LHFPL3: variants seen among roughly 807,000 people sequenced by gnomAD.
LHFPL3 encodes the protein LHFPL tetraspan subfamily member 3, also known as LHFPL tetraspan subfamily member 3 protein.
Under a neutral mutation model 19.3 loss-of-function variants are expected in LHFPL3, and 5 were observed. The observed-to-expected ratio is 0.26, with a 90% CI of 0.14 to 0.54. The LOEUF (loss-of-function observed/expected upper bound fraction) is 0.54. Among genes scored for constraint, LHFPL3 ranks in the 20% least tolerant of loss-of-function variants. The pLI, the probability that LHFPL3 is intolerant of heterozygous loss-of-function variation, is 0.94. For missense variants in LHFPL3, 249 were observed against 307.4 expected (o/e 0.81, Z 1.42); for synonymous variants, 133 against 126.2 (o/e 1.05, Z -0.36).
At chr7:104,538,108 C>G (rs1276093937) in intron 1 of LHFPL3, among the ~76,000 whole-genome samples, 4 of 152,182 alleles carry the variant, frequency 2.6e-5, no homozygotes, top group African/African-American at 9.6e-5. Flanking sequence ...ACTTACCATG[C>G]ACTATTATAT....
At chr7:104,576,289 T>A (rs1790337758) in intron 1 of LHFPL3, among the ~76,000 whole-genome samples, 1 of 152,142 alleles carries the variant, frequency 6.6e-6, no homozygotes, top group South Asian at 2.1e-4. Context: ...CGATTTGAAG[T>A]TCAACAGAGA....
At chr7:104,375,027 A>C (rs1398444477) in intron 1 of LHFPL3, among the ~76,000 whole-genome samples, 3 of 152,188 alleles carry the variant, frequency 2.0e-5, no homozygotes, top group African/African-American at 7.2e-5. Flanking sequence ...TCAATTTGTA[A>C]TGAATTTTAT....
intron 1 of LHFPL3, among the ~76,000 whole-genome samples, chr7:104,554,139 C>A (rs1357142113): frequency 6.6e-6 from 1 of 152,090 alleles, no homozygotes; most frequent in African/African-American, 2.4e-5. Context: ...TTTATTTTGA[C>A]AAACAGCTCA....
chr7:104,384,809 AAAG>A (rs1489058811), intron 1 of LHFPL3, among the ~76,000 whole-genome samples: 13 of 148,206 alleles, frequency 8.8e-5, no homozygotes, highest in East Asian at 3.9e-4. Context: ...AAAAAAAAAA[AAAG>A]AAGAATGAAT....
At chr7:104,855,990 C>A (rs368001924) in intron 2 of LHFPL3, among the ~76,000 whole-genome samples, 1 of 152,296 alleles carries the variant, frequency 6.6e-6, no homozygotes. Flanking sequence ...CCAACCCCAT[C>A]TATGACTGAA....
chr7:104,582,043 GA>G (rs1000037915), intron 1 of LHFPL3, among the ~76,000 whole-genome samples: 13 of 151,892 alleles, frequency 8.6e-5, no homozygotes, highest in African/African-American at 3.1e-4. Flanking sequence ...GCATTGGATT[GA>G]ATATATGACT....
At chr7:104,340,201 T>TA (rs72223274) in intron 1 of LHFPL3, among the ~76,000 whole-genome samples, 4 of 152,162 alleles carry the variant, frequency 2.6e-5, no homozygotes, top group Admixed American at 6.5e-5. Context: ...AGATTTTTTT[T>TA]AAAAAGAGAT....
At chr7:104,766,977 T>C (rs1027602775) in intron 2 of LHFPL3, among the ~76,000 whole-genome samples, 4 of 152,238 alleles carry the variant, frequency 2.6e-5, no homozygotes, top group South Asian at 2.1e-4. Flanking sequence ...ATGAGAAACA[T>C]TGTAATTTGC....
In LHFPL3 at chr7:104,410,991, A is replaced by G. The variant is rs60534127; in HGVS notation, c.445+81767A>G. 7.4e-3 allele frequency among the ~76,000 whole-genome samples: 1,120 copies of G among 152,310 alleles called. 75 individuals are homozygous for G. In the East Asian group the frequency reaches 0.16, roughly 21 times the overall value. ...AGGGCCCAGCCAGACATTATTTTTA[A>G]TGGGAAACACCTCATCCTATGATTT... On this transcript the variant is annotated intron_variant, in intron 1 of 2. Transcript: ENST00000424859.
chr7:104,534,274 G>A (rs140791568), intron 1 of LHFPL3, among the ~76,000 whole-genome samples: 4 of 152,290 alleles, frequency 2.6e-5, no homozygotes, highest in African/African-American at 9.6e-5. Flanking sequence ...AAAAGACATA[G>A]ATTTTGGCAT....
chr7:104,685,276 G>A (rs1040897744), intron 1 of LHFPL3, among the ~76,000 whole-genome samples: 2 of 152,170 alleles, frequency 1.3e-5, no homozygotes, highest in African/African-American at 4.8e-5. Flanking sequence ...GAGCCCGGGA[G>A]GCAGAGGTTG....
chr7:104,636,224 G>A (rs992017830), intron 1 of LHFPL3, among the ~76,000 whole-genome samples: 2 of 152,104 alleles, frequency 1.3e-5, no homozygotes, highest in Non-Finnish European at 1.5e-5. Context: ...AATAGTTAGT[G>A]TCTAAAGCAG....
chr7:104,713,921 C>T (rs1793340002), intron 1 of LHFPL3, among the ~76,000 whole-genome samples: 1 of 152,100 alleles, frequency 6.6e-6, no homozygotes, highest in African/African-American at 2.4e-5. Context: ...TCCAAAACCC[C>T]CCTCAGCTCT....
At chr7:104,864,121 A>C (rs746162195) in intron 2 of LHFPL3, among the ~76,000 whole-genome samples, 12 of 152,216 alleles carry the variant, frequency 7.9e-5, no homozygotes, top group Middle Eastern at 3.2e-3. Context: ...TCTGTGTAAA[A>C]GTTCTGTACA....
rs867108291 is a variant in LHFPL3, at chr7:104,430,403, T to C, written c.445+101179T>C. Among the ~76,000 whole-genome samples the C allele has an allele frequency of 3.6e-3, 142 of 39,646 alleles. 7 individuals are homozygous for C. Among genetic ancestry groups the C allele is most frequent in the South Asian group, 6.3e-3 (8 of 1,274 alleles). 26.0% of individuals were successfully genotyped at this position (39,646 alleles called of 152,430 possible). Reference sequence around the variant, plus strand: ...ATATACATATATATATATATATATATACATATATATATATACATATATATA... The same window carrying C: ...ATATACATATATATATATATATATACACATATATATATATACATATATATA... On this transcript the variant is annotated intron_variant, in intron 1 of 2. Transcript: ENST00000424859.
chr7:104,582,115 T>G (rs570456790), intron 1 of LHFPL3, among the ~76,000 whole-genome samples: 22 of 152,094 alleles, frequency 1.4e-4, no homozygotes, highest in South Asian at 2.1e-4. Flanking sequence ...TATTTAGTGT[T>G]CTTGAATTTC....
chr7:104,483,345 A>AGT, intron 1 of LHFPL3, among the ~76,000 whole-genome samples: 1 of 152,208 alleles, frequency 6.6e-6, no homozygotes, highest in Non-Finnish European at 1.5e-5. Flanking sequence ...GTAAAGCACT[A>AGT]TGGCTGCTAT....
At chr7:104,385,279 G>C (rs1251477775) in intron 1 of LHFPL3, among the ~76,000 whole-genome samples, 1 of 152,178 alleles carries the variant, frequency 6.6e-6, no homozygotes, top group African/African-American at 2.4e-5. Context: ...AAAAGGATTT[G>C]TCTTCCCATG....
intron 2 of LHFPL3, among the ~76,000 whole-genome samples, chr7:104,890,610 T>C (rs1375037993): frequency 6.6e-6 from 1 of 152,124 alleles, no homozygotes; most frequent in Non-Finnish European, 1.5e-5. Context: ...ACTGGCCGGG[T>C]GAAGGTCTCA....
Sources: gnomAD v4.1 joint callset for allele counts (sites outside exome capture counted in the v4.1 genomes callset) on GRCh38, gnomAD v4.1.1 for gene constraint, MANE v1.5 for transcripts, NCBI Gene and HGNC (gene_info 2026-07-23, HGNC 2026-07-21) for gene names.